Variants in ROBO1 observed in about 807,000 individuals in gnomAD.
ROBO1 encodes the protein roundabout homolog 1.
In ROBO1, 149 loss-of-function variants were observed where a neutral mutation model predicts 195.9. The ratio of observed to expected loss-of-function variants is 0.76; its 90% CI spans 0.67 to 0.87. The LOEUF is 0.87. Ranked by LOEUF, ROBO1 falls within the 40% of genes least tolerant of loss-of-function variation. The pLI, the probability that ROBO1 is intolerant of heterozygous loss-of-function variation, is 0.00. For synonymous variants in ROBO1, 816 were observed against 733.2 expected (o/e 1.11, Z -1.82); for missense variants, 1,933 against 2,068.3 (o/e 0.93, Z 1.27).
At chr3:79,590,434 C>A (rs1057416855) in intron 1 of ROBO1, among the ~76,000 whole-genome samples, 2 of 151,684 alleles carry the variant, frequency 1.3e-5, no homozygotes, top group Non-Finnish European at 2.9e-5. Context: ...ACCTTGAGGC[C>A]ACTTTAATTA....
chr3:79,295,269 TA>T (rs1442262082), intron 2 of ROBO1, among the ~76,000 whole-genome samples: 1 of 152,052 alleles, frequency 6.6e-6, no homozygotes, highest in Non-Finnish European at 1.5e-5. Context: ...TATGCAGCCA[TA>T]AAAAGAGAAT....
At chr3:79,160,951 A>G (rs1262435693) in intron 2 of ROBO1, among the ~76,000 whole-genome samples, 1 of 152,082 alleles carries the variant, frequency 6.6e-6, no homozygotes, top group African/African-American at 2.4e-5. Context: ...TACATTAAAT[A>G]TATTTCCCTC....
intron 27 of ROBO1, among the ~76,000 whole-genome samples, chr3:78,615,756 A>G (rs1365234782): frequency 6.6e-6 from 1 of 152,210 alleles, no homozygotes; most frequent in Non-Finnish European, 1.5e-5. Flanking sequence ...AGCCACATAT[A>G]GTGCAATCAA....
intron 5 of ROBO1, among the ~76,000 whole-genome samples, chr3:78,739,486 C>G (rs1254695020): frequency 6.6e-6 from 1 of 152,140 alleles, no homozygotes; most frequent in African/African-American, 2.4e-5. Flanking sequence ...AGTTGAATAA[C>G]TTACTGATTT....
At chr3:79,753,178 C>A (rs1559556643) in intron 1 of ROBO1, among the ~76,000 whole-genome samples, 1 of 152,108 alleles carries the variant, frequency 6.6e-6, no homozygotes, top group Non-Finnish European at 1.5e-5. Context: ...TGGTTCTCAA[C>A]TTTGCTGCTT....
intron 24 of ROBO1, among the ~76,000 whole-genome samples, chr3:78,631,939 A>G (rs1705211052): frequency 6.6e-6 from 1 of 152,186 alleles, no homozygotes; most frequent in African/African-American, 2.4e-5. Context: ...TTGCTTGAAC[A>G]TTCTTAGTAG....
At chr3:78,969,004 A>G (rs959128913) in intron 3 of ROBO1, among the ~76,000 whole-genome samples, 10 of 152,144 alleles carry the variant, frequency 6.6e-5, no homozygotes, top group Non-Finnish European at 1.2e-4. Context: ...ATTTTTAGTA[A>G]ATAACTTGTC....
chr3:78,938,564 C>T (rs368561851), intron 4 of ROBO1, 37 bp downstream of exon 4: 10 of 1,550,158 alleles, frequency 6.5e-6, no homozygotes, highest in African/African-American at 4.1e-5. Flanking sequence ...CACTCTGCCA[C>T]TCCCTCTGCC....
chr3:79,690,089 A>T (rs934221717), intron 1 of ROBO1, among the ~76,000 whole-genome samples: 11 of 151,932 alleles, frequency 7.2e-5, no homozygotes, highest in African/African-American at 2.7e-4. Context: ...TTCTTTTCCT[A>T]TCATTTCCAA....
chr3:79,601,305 G>C (rs1944332496), intron 1 of ROBO1, among the ~76,000 whole-genome samples: 1 of 151,900 alleles, frequency 6.6e-6, no homozygotes, highest in African/African-American at 2.4e-5. Context: ...ATAAGTAGGA[G>C]GTTCTGACAG....
intron 5 of ROBO1, among the ~76,000 whole-genome samples, chr3:78,744,063 A>G (rs995191644): frequency 6.6e-6 from 1 of 152,148 alleles, no homozygotes; most frequent in African/African-American, 2.4e-5. Context: ...ATACTTGGAT[A>G]TCCAATAAGC....
chr3:79,250,521 G>A (rs950660059), intron 2 of ROBO1, among the ~76,000 whole-genome samples: 2 of 152,078 alleles, frequency 1.3e-5, no homozygotes, highest in Admixed American at 1.3e-4. Flanking sequence ...CTAGTTTCAA[G>A]CTATGTTTTC....
rs1559989373 is a variant in ROBO1 at position 79,556,009 on chromosome 3, GA to G, written c.88+33814del. On this transcript the variant is annotated intron_variant, in intron 2 of 30. Transcript: ENST00000464233. Reference sequence around the variant, plus strand: ...GCTTCTTTGTTATATAATTCTCTAAGAATTAATATTATTGTTTGATGAATTC... The same window carrying G: ...GCTTCTTTGTTATATAATTCTCTAAGATTAATATTATTGTTTGATGAATTC... 2.0e-5 allele frequency among the ~76,000 whole-genome samples: 3 copies of G among 152,098 alleles called. No individual in the cohort carries two copies. In the East Asian group the frequency reaches 5.8e-4, roughly 29 times the overall value.
chr3:78,676,443 T>C (rs1428231214), intron 10 of ROBO1, among the ~76,000 whole-genome samples: 1 of 152,112 alleles, frequency 6.6e-6, no homozygotes, highest in Non-Finnish European at 1.5e-5. Context: ...TTTAGACGAA[T>C]GTATAACTAG....
At chr3:79,754,054 C>A (rs1411905039) in intron 1 of ROBO1, among the ~76,000 whole-genome samples, 1 of 151,954 alleles carries the variant, frequency 6.6e-6, no homozygotes, top group Non-Finnish European at 1.5e-5. Flanking sequence ...AAGGAAATAC[C>A]TTGTGAGAAA....
At chr3:79,471,707 T>A (rs115552796) in intron 2 of ROBO1, among the ~76,000 whole-genome samples, 1 of 152,070 alleles carries the variant, frequency 6.6e-6, no homozygotes, top group African/African-American at 2.4e-5. Flanking sequence ...AATGATACAC[T>A]GGATAAAGAA....
At chr3:78,967,217 C>T (rs2076666397) in intron 3 of ROBO1, among the ~76,000 whole-genome samples, 1 of 152,146 alleles carries the variant, frequency 6.6e-6, no homozygotes, top group Non-Finnish European at 1.5e-5. Flanking sequence ...CCCTAGAGCA[C>T]TGCTTCCCTC....
intron 2 of ROBO1, among the ~76,000 whole-genome samples, chr3:79,192,841 CTGTT>C (rs1352594309): frequency 1.3e-5 from 2 of 151,562 alleles, no homozygotes; most frequent in Non-Finnish European, 3.0e-5. Flanking sequence ...AATGTGCACT[CTGTT>C]TATTTAGGAG....
At chr3:78,946,868 C>T (rs1576448692) in intron 3 of ROBO1, among the ~76,000 whole-genome samples, 1 of 152,162 alleles carries the variant, frequency 6.6e-6, no homozygotes, top group East Asian at 1.9e-4. Flanking sequence ...GCAGGGGTTG[C>T]AATCCTAGTC....
Sources: allele counts gnomAD v4.1 joint callset (sites outside exome capture counted in the v4.1 genomes callset), GRCh38; gene constraint gnomAD v4.1.1; transcripts MANE v1.5; gene names NCBI Gene and HGNC (gene_info 2026-07-23, HGNC 2026-07-21).